The following ANKRD6 variants were observed in gnomAD, a reference collection of about 807,000 sequenced individuals.
ANKRD6 encodes ankyrin repeat domain-containing protein 6.
A neutral mutation model predicts 82.3 loss-of-function variants in ANKRD6; 56 were observed. The ratio of observed to expected loss-of-function variants is 0.68; its 90% confidence interval spans 0.55 to 0.85. ANKRD6 has a LOEUF of 0.85. Among genes scored for constraint, ANKRD6 ranks in the 40% least tolerant of loss-of-function variants. The pLI, the probability that ANKRD6 is intolerant of heterozygous loss-of-function variation, is 0.00. For missense variants in ANKRD6, 852 were observed against 907.6 expected, an observed-to-expected ratio of 0.94 and a Z score of 0.79; for synonymous variants, 347 against 352.1, an observed-to-expected ratio of 0.99 and a Z score of 0.16.
At chr6:89,458,022 T>C (rs568929220) in intron 1 of ANKRD6, among the ~76,000 whole-genome samples, 29 of 152,278 alleles carry the variant, frequency 1.9e-4, no homozygotes, top group African/African-American at 7.0e-4. Flanking sequence ...CATGTGAGGA[T>C]ACAATGAGCA....
intron 1 of ANKRD6, among the ~76,000 whole-genome samples, chr6:89,503,438 TAGGTTGCTCTGGAC>T (rs1193271687): frequency 2.0e-5 from 3 of 152,162 alleles, no homozygotes; most frequent in Non-Finnish European, 4.4e-5. Flanking sequence ...AAGGAGAGTT[TAGGTTGCTCTGGAC>T]AGAGTATGGG....
chr6:89,555,019 A>C (rs1278816681), intron 1 of ANKRD6, among the ~76,000 whole-genome samples: 18 of 136,762 alleles, frequency 1.3e-4, no homozygotes, highest in South Asian at 2.6e-4. Flanking sequence ...GCCTCTCTCT[A>C]TCCTCTCCTC....
intron 1 of ANKRD6, among the ~76,000 whole-genome samples, chr6:89,485,404 T>G (rs1435156202): frequency 6.6e-6 from 1 of 152,224 alleles, no homozygotes; most frequent in East Asian, 1.9e-4. Context: ...CAGAAAATAC[T>G]GATATGGCTC....
At chr6:89,479,621 ATTTAT>A (rs1305475867) in intron 1 of ANKRD6, among the ~76,000 whole-genome samples, 4 of 147,860 alleles carry the variant, frequency 2.7e-5, no homozygotes, top group African/African-American at 7.4e-5. Context: ...TTATTTATTT[ATTTAT>A]TTATTATTAT....
At chr6:89,475,240 G>A (rs1462922078) in intron 1 of ANKRD6, among the ~76,000 whole-genome samples, 2 of 152,124 alleles carry the variant, frequency 1.3e-5, no homozygotes, top group Non-Finnish European at 2.9e-5. Context: ...AACCCAAGGA[G>A]CCCAAACCTA....
intron 1 of ANKRD6, among the ~76,000 whole-genome samples, chr6:89,471,939 CAAAAAA>C (rs749607605): frequency 1.1e-4 from 6 of 52,610 alleles, no homozygotes; most frequent in South Asian, 1.1e-3. Context: ...AACTCCATCT[CAAAAAA>C]AAAAAAAAAA....
Position 89,632,378 on chromosome 6 carries a change from A to G in ANKRD6, c.*1374A>G, listed in dbSNP as rs563180470. Reference sequence around the variant, plus strand: ...GACATTCCTAAAAGAAAAATAATTCAGTAGATATATGTCACTGTTACCTGA... The same window carrying G: ...GACATTCCTAAAAGAAAAATAATTCGGTAGATATATGTCACTGTTACCTGA... On this transcript the variant is annotated 3_prime_UTR_variant, in exon 16 of 16. Transcript: ENST00000339746. The G allele has an allele frequency of 1.1e-4, 16 of 152,312 alleles. No homozygotes were observed. The highest frequency in any genetic ancestry group is 3.9e-4 in the African/African-American group (16 of 41,556). The allele number at this position is 152,312 out of a possible 1,614,324, so 9.4% of individuals were successfully genotyped here.
At chr6:89,532,895 G>T (rs1221259941) in intron 1 of ANKRD6, among the ~76,000 whole-genome samples, 2 of 148,082 alleles carry the variant, frequency 1.4e-5, no homozygotes, top group African/African-American at 5.0e-5. Flanking sequence ...TTTTTTTTGA[G>T]ATGGAGTCTC....
intron 1 of ANKRD6, among the ~76,000 whole-genome samples, chr6:89,493,852 T>C (rs1395347167): frequency 1.3e-5 from 2 of 152,206 alleles, no homozygotes; most frequent in African/African-American, 4.8e-5. Flanking sequence ...TCTTTTGTCA[T>C]ATAAGGTAAT....
chr6:89,571,683 G>A (rs12664754), intron 2 of ANKRD6, among the ~76,000 whole-genome samples: 48,634 of 151,800 alleles, frequency 0.32, 8,089 homozygotes, highest in South Asian at 0.59. Context: ...TATTGCTCCC[G>A]CCCCTAAACA....
chr6:89,549,881 G>A lies in ANKRD6; in HGVS notation c.-143-16953G>A, dbSNP rs533257692. Among the ~76,000 whole-genome samples, 94 of 150,696 alleles carry A rather than the reference G, an allele frequency of 6.2e-4. 1 individual carries two copies. Among genetic ancestry groups the A allele is most frequent in the African/African-American group, 2.2e-3 (91 of 41,058 alleles). On this transcript the variant is annotated intron_variant, in intron 1 of 15. Transcript: ENST00000339746. The stretch of plus-strand genomic sequence containing the variant: ...TATTGAGGCCAGGAGTTCAAGACCA[G>A]CCTGAGTAACATAGTGAGACCTGTG...
intron 2 of ANKRD6, among the ~76,000 whole-genome samples, chr6:89,592,730 A>G (rs1795143225): frequency 6.6e-6 from 1 of 152,136 alleles, no homozygotes; most frequent in Admixed American, 6.5e-5. Flanking sequence ...CCATGGTCAG[A>G]GTATCAGGAG....
chr6:89,448,927 G>C (rs936369470), intron 1 of ANKRD6, among the ~76,000 whole-genome samples: 1 of 151,220 alleles, frequency 6.6e-6, no homozygotes, highest in Non-Finnish European at 1.5e-5. Flanking sequence ...CTACTTGGGA[G>C]GCTGAGGCAG....
chr6:89,568,954 A>T (rs1279892284), intron 2 of ANKRD6, among the ~76,000 whole-genome samples: 1 of 147,730 alleles, frequency 6.8e-6, no homozygotes, highest in Non-Finnish European at 1.5e-5. Context: ...TTTTTTAGAC[A>T]GTGTGTCCGT....
intron 1 of ANKRD6, among the ~76,000 whole-genome samples, chr6:89,448,812 C>T (rs558943302): frequency 4.6e-5 from 7 of 152,142 alleles, no homozygotes; most frequent in East Asian, 3.9e-4. Flanking sequence ...GGGCGGATCA[C>T]GAGGTCAGGA....
At chr6:89,602,860 A>G in intron 3 of ANKRD6, 169 bp from the exon 4 acceptor site, 1 of 576,242 alleles carries the variant, frequency 1.7e-6, no homozygotes, top group Non-Finnish European at 3.1e-6. Context: ...TTGTCTACTA[A>G]CAAGACCACA....
chr6:89,612,494 C>CT (rs1800481090), intron 6 of ANKRD6, 124 bp downstream of exon 6: 2 of 1,000,950 alleles, frequency 2.0e-6, no homozygotes, highest in Admixed American at 3.0e-5. Flanking sequence ...TGGGGACTAT[C>CT]TCTAAAGTGT....
chr6:89,548,135 C>G (rs1302142183), intron 1 of ANKRD6, among the ~76,000 whole-genome samples: 2 of 152,232 alleles, frequency 1.3e-5, no homozygotes, highest in East Asian at 3.8e-4. Context: ...GTCATCGCCA[C>G]TAAATCCAGA....
intron 1 of ANKRD6, among the ~76,000 whole-genome samples, chr6:89,518,107 A>C (rs1254418205): frequency 6.6e-6 from 1 of 152,188 alleles, no homozygotes; most frequent in Non-Finnish European, 1.5e-5. Context: ...TAATCATAAA[A>C]ATAAGTATCT....
Sources: allele counts gnomAD v4.1 joint callset (sites outside exome capture counted in the v4.1 genomes callset), GRCh38; gene constraint gnomAD v4.1.1; transcripts MANE v1.5; gene names NCBI Gene and HGNC (gene_info 2026-07-23, HGNC 2026-07-21).